The following RPN2 variants were observed in gnomAD, a reference collection of about 807,000 sequenced individuals.
RPN2 encodes the protein ribophorin II, also known as dolichyl-diphosphooligosaccharide--protein glycosyltransferase subunit 2.
A neutral mutation model predicts 71.4 loss-of-function variants in RPN2; 29 were observed. The ratio of observed to expected loss-of-function variants is 0.41; its 90% CI spans 0.30 to 0.55. The LOEUF is 0.55. RPN2 is among the 20% of genes least tolerant of loss of function. RPN2 has a pLI of 0.35. For synonymous variants in RPN2, 308 were observed against 305.0 expected (o/e 1.01, Z -0.10); for missense variants, 726 against 774.1 (o/e 0.94, Z 0.74).
intron 9 of RPN2, among the ~76,000 whole-genome samples, chr20:37,222,167 A>G (rs1179734450): frequency 6.6e-6 from 1 of 152,222 alleles, no homozygotes; most frequent in East Asian, 1.9e-4. Context: ...CTGTTAACTC[A>G]GCAGAGAGCC....
intron 8 of RPN2, among the ~76,000 whole-genome samples, chr20:37,211,717 A>C (rs780146205): frequency 8.6e-5 from 13 of 150,584 alleles, no homozygotes; most frequent in Non-Finnish European, 1.8e-4. Context: ...TATAGGATTA[A>C]ATATTCTTTT....
intron 2 of RPN2, among the ~76,000 whole-genome samples, chr20:37,185,276 C>G (rs1467759574): frequency 1.3e-5 from 2 of 151,372 alleles, no homozygotes; most frequent in African/African-American, 4.9e-5. Flanking sequence ...GCTGGGACTA[C>G]AGGTGTGCAC....
At chr20:37,182,421 CTCTT>C (rs1217833961) in intron 1 of RPN2, among the ~76,000 whole-genome samples, 1 of 152,140 alleles carries the variant, frequency 6.6e-6, no homozygotes, top group African/African-American at 2.4e-5. Flanking sequence ...GACAGGGTCT[CTCTT>C]TCTCACCCAG....
chr20:37,238,657 AT>A, intron 16 of RPN2: 1 of 738,660 alleles, frequency 1.4e-6, no homozygotes, highest in Non-Finnish European at 2.5e-6. Flanking sequence ...AGCCCAGCTG[AT>A]GGGATAACTT....
intron 14 of RPN2, 30 bp from the exon 15 acceptor site, chr20:37,233,990 C>A: frequency 6.2e-7 from 1 of 1,612,692 alleles, no homozygotes; most frequent in Non-Finnish European, 8.5e-7. Context: ...GTTCTAATGC[C>A]TTTTTAATTT....
intron 15 of RPN2, among the ~76,000 whole-genome samples, 181 bp downstream of exon 15, chr20:37,234,276 C>A (rs369219188): frequency 6.6e-6 from 1 of 152,248 alleles, no homozygotes. Context: ...TGGTCCATCA[C>A]TTAGAACAGC....
intron 9 of RPN2, among the ~76,000 whole-genome samples, chr20:37,222,202 G>A (rs1009731035): frequency 6.6e-6 from 1 of 152,118 alleles, no homozygotes; most frequent in African/African-American, 2.4e-5. Context: ...GAGGCTCCTA[G>A]CTCCCTTCTT....
chr20:37,196,286 T>G (rs993213420), intron 2 of RPN2, among the ~76,000 whole-genome samples: 30 of 152,058 alleles, frequency 2.0e-4, no homozygotes, highest in African/African-American at 7.2e-4. Context: ...TGGAGTGCAG[T>G]GGCACGATCT....
chr20:37,221,195 CTTTTT>C lies in RPN2; in HGVS notation c.1093-2669_1093-2665del, dbSNP rs1176292055. Among the ~76,000 whole-genome samples the C allele has an allele frequency of 7.4e-5, 10 of 135,232 alleles. No individual in the cohort carries two copies. In the East Asian group the frequency reaches 1.7e-3, roughly 23 times the overall value. The allele number at this position is 135,232 out of a possible 152,430, so 88.7% of individuals were successfully genotyped here. On this transcript the variant is annotated intron_variant, in intron 9 of 16. Coordinates refer to ENST00000237530, the MANE Select transcript of RPN2 (RefSeq NM_002951.5). ...GAGACACTGAAGACTTTACACAATT[CTTTTT>C]TTTTTTTTTTTTTGAGGCGGAGCCT...
At chr20:37,221,194 TC>T (rs542186254) in intron 9 of RPN2, among the ~76,000 whole-genome samples, 4 of 143,376 alleles carry the variant, frequency 2.8e-5, no homozygotes, top group African/African-American at 1.0e-4. Flanking sequence ...TTTACACAAT[TC>T]TTTTTTTTTT....
chr20:37,241,157 T>C (rs2068539318), intron 16 of RPN2, 146 bp from the exon 17 acceptor site: 7 of 927,078 alleles, frequency 7.6e-6, no homozygotes, highest in Non-Finnish European at 1.2e-5. Flanking sequence ...CATACATAAA[T>C]AGACTTGGGA....
At chr20:37,236,249 C>A (rs1236406862) in intron 15 of RPN2, among the ~76,000 whole-genome samples, 1 of 151,986 alleles carries the variant, frequency 6.6e-6, no homozygotes, top group Non-Finnish European at 1.5e-5. Flanking sequence ...TGGACCATTA[C>A]GCCTGACTAA....
Position 37,234,022 on chromosome 20 carries a change from G to A in RPN2, c.1680G>A (p.Trp560Ter). Residue 560 changes from tryptophan to a stop codon, truncating the protein, a stop_gained and splice_region_variant, in exon 15 of 17, where the codon TGG (tryptophan) becomes TGA (stop). Coordinates refer to ENST00000237530, the MANE Select transcript of RPN2 (RefSeq NM_002951.5). LOFTEE classifies it high-confidence loss of function. ...ATTTATTTCTCCCCATCATTCAGTG[G>A]ATCCGGATTGGTGCCAATGTCTCCA... is the stretch of plus-strand genomic sequence containing the variant. ...LSPLLLLFAL[W>*]IRIGANVSNF... 6.2e-7 allele frequency: 1 copy of A among 1,614,096 alleles called. No individual in the cohort carries two copies. The highest frequency in any genetic ancestry group is 2.2e-5 in the East Asian group (1 of 44,884).
intron 4 of RPN2, among the ~76,000 whole-genome samples, chr20:37,203,149 C>A (rs554355312): frequency 9.9e-5 from 15 of 151,894 alleles, no homozygotes; most frequent in Admixed American, 4.6e-4. Context: ...GGTTTCGAAC[C>A]CCCAGGCTTA....
At chr20:37,228,995 CTG>C (rs1411827670) in intron 12 of RPN2, among the ~76,000 whole-genome samples, 3 of 151,988 alleles carry the variant, frequency 2.0e-5, no homozygotes, top group East Asian at 3.9e-4. Context: ...GTGCTAGTAT[CTG>C]TGAATTTCTA....
intron 9 of RPN2, among the ~76,000 whole-genome samples, chr20:37,219,288 T>A (rs2067896049): frequency 6.6e-6 from 1 of 152,250 alleles, no homozygotes; most frequent in South Asian, 2.1e-4. Context: ...TGAGTATCTC[T>A]TTATGTGCTT....
intron 9 of RPN2, among the ~76,000 whole-genome samples, chr20:37,214,222 G>A (rs1358609074): frequency 1.3e-5 from 2 of 152,156 alleles, no homozygotes; most frequent in Non-Finnish European, 2.9e-5. Flanking sequence ...GGTGGGTTTA[G>A]AAAAGTGCTT....
intron 10 of RPN2, among the ~76,000 whole-genome samples, chr20:37,224,256 C>T (rs1166240676): frequency 6.6e-6 from 1 of 152,208 alleles, no homozygotes; most frequent in Non-Finnish European, 1.5e-5. Flanking sequence ...CTGAGTCAGT[C>T]AGCTATGTCA....
intron 1 of RPN2, among the ~76,000 whole-genome samples, chr20:37,180,766 T>C (rs896284598): frequency 6.6e-6 from 1 of 152,242 alleles, no homozygotes; most frequent in African/African-American, 2.4e-5. Context: ...GCTGTTGCCC[T>C]GGTTTGGGCC....
Sources: gnomAD v4.1 joint callset for allele counts (sites outside exome capture counted in the v4.1 genomes callset) on GRCh38, gnomAD v4.1.1 for gene constraint, MANE v1.5 for transcripts, NCBI Gene and HGNC (gene_info 2026-07-23, HGNC 2026-07-21) for gene names.